PSKH2: variants seen among roughly 807,000 people sequenced by gnomAD.
The protein encoded by PSKH2 is serine/threonine-protein kinase H2.
PSKH2 carries 16 observed loss-of-function variants against 22.5 expected under a neutral mutation model. The observed-to-expected ratio is 0.71, with a 90% CI of 0.48 to 1.08. PSKH2 has a LOEUF of 1.08. PSKH2 is among the 50% of genes least tolerant of loss of function. The pLI, the probability that PSKH2 is intolerant of heterozygous loss-of-function variation, is 0.00. For synonymous variants in PSKH2, 188 were observed against 184.8 expected (o/e 1.02, Z -0.14); for missense variants, 516 against 492.8 (o/e 1.05, Z -0.44).
At chr8:86,063,043 T>C (rs1486209155) in intron 2 of PSKH2, among the ~76,000 whole-genome samples, 1 of 152,272 alleles carries the variant, frequency 6.6e-6, no homozygotes, top group Non-Finnish European at 1.5e-5. Flanking sequence ...TGTCTGTGAA[T>C]TCTTCCCATC....
chr8:86,051,363 C>G (rs1817627659), intron 2 of PSKH2, among the ~76,000 whole-genome samples: 1 of 152,176 alleles, frequency 6.6e-6, no homozygotes, highest in Admixed American at 6.5e-5. Flanking sequence ...GTTGGGATTA[C>G]AGGCGTAAAC....
At chr8:86,052,984 G>A (rs1008788071) in intron 2 of PSKH2, among the ~76,000 whole-genome samples, 6 of 152,202 alleles carry the variant, frequency 3.9e-5, no homozygotes, top group African/African-American at 9.6e-5. Context: ...ACCAGGAATC[G>A]CACTACTTAT....
At chr8:86,064,735 A>C in intron 1 of PSKH2, 104 bp from the exon 2 acceptor site, 2 of 906,796 alleles carry the variant, frequency 2.2e-6, no homozygotes, top group South Asian at 3.6e-5. Context: ...TATTCCTCCC[A>C]TCAGATTTAT....
At position 86,064,544 on chromosome 8, in the gene PSKH2, T is replaced by C; in HGVS notation, c.273A>G (p.Ile91Met). Residue 91 changes from isoleucine (I) to methionine (M), a missense_variant, in exon 2 of 3, where the codon ATA (isoleucine) becomes ATG (methionine). By Grantham distance (10) the Ile-to-Met change is conservative. Coordinates refer to ENST00000276616, the MANE Select transcript of PSKH2 (RefSeq NM_033126.3). ...EQKTTKKPFA[I>M]KVMETREREG... ...CCCTCTCTCTGGTTTCCATCACTTT[T>C]ATTGCAAAAGGTTTCTTGGTGGTCT... 1.2e-6 allele frequency: 2 copies of C among 1,614,008 alleles called. No homozygotes were observed. The highest frequency in any genetic ancestry group is 1.7e-6 in the Non-Finnish European group (2 of 1,179,996).
rs145898227 is a variant in PSKH2, at chr8:86,064,826, G to A, written c.186-195C>T. ...TGAAATGGAGGAAAACGATATAAAGGTAATTTGTTGGTAGAAAGACAATCT... is the reference window on the plus strand; with the variant it reads ...TGAAATGGAGGAAAACGATATAAAGATAATTTGTTGGTAGAAAGACAATCT... On this transcript the variant is annotated intron_variant, in intron 1 of 2. Transcript: ENST00000276616. Among the ~76,000 whole-genome samples the A allele has an allele frequency of 1.5e-3, 228 of 152,144 alleles. 2 individuals are homozygous for A. Among genetic ancestry groups the A allele is most frequent in the African/African-American group, 5.2e-3 (215 of 41,506 alleles).
chr8:86,048,507 C>T lies in PSKH2; in HGVS notation c.1113G>A (p.Lys371=). ...YSHKSRHMWS[K]RNLRIVESPL... ...GCGATTCTACTATCCTTAAGTTTCT[C>T]TTGCTCCACATATGCCTGGATTTGT... The change falls in exon 3 of 3, where the codon AAG becomes AAA. Residue 371 remains lysine (K), a synonymous_variant. Transcript: ENST00000276616. The T allele has an allele frequency of 5.0e-6, 8 of 1,614,192 alleles. No homozygotes were observed. The highest frequency in any genetic ancestry group is 6.8e-6 in the Non-Finnish European group (8 of 1,180,014).
At chr8:86,068,469 A>C (rs1284462632) in intron 1 of PSKH2, among the ~76,000 whole-genome samples, 2 of 152,358 alleles carry the variant, frequency 1.3e-5, no homozygotes, top group East Asian at 3.9e-4. Flanking sequence ...AACAATAATC[A>C]GCATTGCACT....
rs1817826138 is a variant in PSKH2 at position 86,064,389 on chromosome 8, C to T, written c.428G>A (p.Gly143Glu). The change falls in exon 2 of 3, where the codon GGG becomes GAG. Residue 143 changes from glycine (G) to glutamate (E), a missense_variant. Transcript: ENST00000276616. ...AGCAATGAGTCGATCAAAGAGCTCC[C>T]CTCCGGTAGCCAGCTCCATTACCAT... The part of the protein sequence containing the change: ...VYMVMELATG[G>E]ELFDRLIAQG... 1.9e-6 allele frequency: 3 copies of T among 1,614,002 alleles called. No individual in the cohort carries two copies. The highest frequency in any genetic ancestry group is 1.7e-5 in the Admixed American group (1 of 60,002).
Position 86,063,874 on chromosome 8 carries a change from A to C in PSKH2, c.852+91T>G. On this transcript the variant is annotated intron_variant, in intron 2 of 2. Coordinates refer to ENST00000276616, the MANE Select transcript of PSKH2 (RefSeq NM_033126.3). ...ATCCTACAGCACACAGGACAACCCC[A>C]AAAATCATCCAGTCTTAAATGTCAA... The C allele has an allele frequency of 2.8e-6, 3 of 1,057,890 alleles. 1 individual carries two copies. Among genetic ancestry groups the C allele is most frequent in the South Asian group, 3.2e-5 (2 of 62,112 alleles). The allele number at this position is 1,057,890 out of a possible 1,614,324, so 65.5% of individuals were successfully genotyped here. A position where few individuals can be genotyped will look rare whatever the true frequency, so the allele number is the denominator to read the frequency against.
chr8:86,069,416 A>C, intron 1 of PSKH2, 22 bp downstream of exon 1: 1 of 1,551,946 alleles, frequency 6.4e-7, no homozygotes, highest in Non-Finnish European at 8.7e-7. Flanking sequence ...GTCCCAGGCC[A>C]GTTCCTCACG....
chr8:86,054,279 A>G (rs1324961573), intron 2 of PSKH2, among the ~76,000 whole-genome samples: 1 of 152,204 alleles, frequency 6.6e-6, no homozygotes, highest in African/African-American at 2.4e-5. Flanking sequence ...TCCTTGCACT[A>G]GAAATAATCA....
chr8:86,066,129 G>A (rs1253030607), intron 1 of PSKH2, among the ~76,000 whole-genome samples: 1 of 151,780 alleles, frequency 6.6e-6, no homozygotes, highest in Non-Finnish European at 1.5e-5. Context: ...TTTTACTGAT[G>A]AGGAAATTTG....
chr8:86,062,492 G>A (rs1002237775), intron 2 of PSKH2, among the ~76,000 whole-genome samples: 1 of 152,162 alleles, frequency 6.6e-6, no homozygotes, highest in African/African-American at 2.4e-5. Flanking sequence ...TGTGTCAGGA[G>A]GGGAACGAAG....
Position 86,047,391 on chromosome 8 carries a change from C to G in PSKH2, c.*1071G>C, listed in dbSNP as rs1036829254. The stretch of plus-strand genomic sequence containing the variant: ...TCTATATATCAGATATATAGCTGTT[C>G]CATCTATATAGCCTAAAAGAGAAAA... On this transcript the variant is annotated 3_prime_UTR_variant, in exon 3 of 3. Coordinates refer to ENST00000276616, the MANE Select transcript of PSKH2 (RefSeq NM_033126.3). Among the ~76,000 whole-genome samples, 4 of 151,950 alleles carry G rather than the reference C, an allele frequency of 2.6e-5. No homozygotes were observed. Among genetic ancestry groups the G allele is most frequent in the African/African-American group, 9.6e-5 (4 of 41,456 alleles).
chr8:86,068,673 A>T (rs1374296707), intron 1 of PSKH2, among the ~76,000 whole-genome samples: 1 of 152,120 alleles, frequency 6.6e-6, no homozygotes, highest in African/African-American at 2.4e-5. Flanking sequence ...AGTCTGGCTG[A>T]CTCAAAGGCG....
intron 2 of PSKH2, among the ~76,000 whole-genome samples, chr8:86,053,511 T>G (rs1183336903): frequency 6.6e-6 from 1 of 152,164 alleles, no homozygotes; most frequent in Non-Finnish European, 1.5e-5. Context: ...CCATGGAGAT[T>G]GGTGGTGCCT....
intron 2 of PSKH2, among the ~76,000 whole-genome samples, chr8:86,052,609 T>C (rs748321957): frequency 2.6e-5 from 4 of 152,180 alleles, no homozygotes; most frequent in African/African-American, 4.8e-5. Flanking sequence ...CTTAATTCCT[T>C]CCTCAGTTCT....
rs150513341 is a variant in PSKH2 at position 86,064,375 on chromosome 8, G to A, written c.442C>T (p.Arg148Ter). The change falls in exon 2 of 3, where the codon CGA becomes TGA. Residue 148 changes from arginine (R) to a stop codon, truncating the protein, a stop_gained. Transcript: ENST00000276616. LOFTEE classifies it high-confidence loss of function. The part of the protein sequence containing the change: ...ELATGGELFD[R>*]LIAQGSFTER... The stretch of plus-strand genomic sequence containing the variant: ...GTAAAGGATCCCTGAGCAATGAGTC[G>A]ATCAAAGAGCTCCCCTCCGGTAGCC... 99 of 1,613,956 alleles carry A rather than the reference G, an allele frequency of 6.1e-5. No homozygotes were observed. The highest frequency in any genetic ancestry group is 8.8e-5 in the South Asian group (8 of 91,070).
chr8:86,048,560 C>A lies in PSKH2; in HGVS notation c.1060G>T (p.Ala354Ser), dbSNP rs781573429. The change falls in exon 3 of 3, where the codon GCA becomes TCA. Residue 354 changes from alanine to serine, a missense_variant. Ala to Ser is a moderately conservative substitution (Grantham distance 99, BLOSUM62 1). Coordinates refer to ENST00000276616, the MANE Select transcript of PSKH2 (RefSeq NM_033126.3). ...GAATAATGTGACTTAGAAGACTGTG[C>A]AGATCCAGGACTCTGAGAGTGGGGA... ...ASPHSQSPGS[A>S]QSSKSHYSHK... The A allele has an allele frequency of 1.9e-6, 3 of 1,614,054 alleles. No individual in the cohort carries two copies. The South Asian group carries it at 3.3e-5, about 18-fold the overall frequency.
Sources: gnomAD v4.1 joint callset for allele counts (sites outside exome capture counted in the v4.1 genomes callset) on GRCh38, gnomAD v4.1.1 for gene constraint, MANE v1.5 for transcripts, NCBI Gene and HGNC (gene_info 2026-07-23, HGNC 2026-07-21) for gene names.